The following ZCWPW2 variants were observed in gnomAD, a reference collection of about 807,000 sequenced individuals.
ZCWPW2 encodes the protein zinc finger CW-type and PWWP domain containing 2, also known as zinc finger CW-type PWWP domain protein 2.
ZCWPW2 carries 45 observed loss-of-function variants against 46.6 expected under a neutral mutation model. That is an observed-to-expected ratio of 0.96 (90% CI 0.76 to 1.24). The LOEUF (loss-of-function observed/expected upper bound fraction) is 1.24. Ranked by LOEUF, ZCWPW2 falls within the 50% of genes most tolerant of loss-of-function variation. The pLI is 0.00. For synonymous variants in ZCWPW2, 152 were observed against 137.1 expected (o/e 1.11, Z -0.76); for missense variants, 429 against 403.9 (o/e 1.06, Z -0.53).
intron 2 of ZCWPW2, among the ~76,000 whole-genome samples, chr3:28,408,212 C>T (rs1263724279): frequency 2.6e-5 from 4 of 152,112 alleles, no homozygotes; most frequent in African/African-American, 9.7e-5. Context: ...ATTTGAAAAC[C>T]TTATCTACCA....
intron 1 of ZCWPW2, among the ~76,000 whole-genome samples, chr3:28,385,136 A>T (rs1367740347): frequency 2.0e-5 from 3 of 152,242 alleles, no homozygotes; most frequent in African/African-American, 7.2e-5. Context: ...TCTTTAATCC[A>T]TAATGTGGCA....
intron 2 of ZCWPW2, chr3:28,398,068 A>G (rs1024761591): frequency 6.6e-6 from 1 of 152,236 alleles, no homozygotes; most frequent in Admixed American, 6.5e-5. Flanking sequence ...ATAACAAATT[A>G]CCGTAGACTG....
intron 3 of ZCWPW2, among the ~76,000 whole-genome samples, chr3:28,421,209 C>G (rs2125747725): frequency 6.6e-6 from 1 of 152,152 alleles, no homozygotes; most frequent in East Asian, 1.9e-4. Context: ...GGTGAGAGTT[C>G]AAGCTCCCCA....
intron 4 of ZCWPW2, among the ~76,000 whole-genome samples, chr3:28,452,547 G>C (rs775519274): frequency 6.6e-6 from 1 of 152,154 alleles, no homozygotes; most frequent in Non-Finnish European, 1.5e-5. Context: ...ACCCACCTCA[G>C]CCTCCCAAAG....
chr3:28,384,235 A>G (rs1205051511), intron 1 of ZCWPW2, among the ~76,000 whole-genome samples: 1 of 152,110 alleles, frequency 6.6e-6, no homozygotes, highest in Non-Finnish European at 1.5e-5. Context: ...CCCATGGAAT[A>G]TGTTATATGT....
chr3:28,350,224 T>G (rs2125682345), intron 1 of ZCWPW2, among the ~76,000 whole-genome samples: 1 of 152,340 alleles, frequency 6.6e-6, no homozygotes, highest in Middle Eastern at 3.4e-3. Flanking sequence ...TTTTGAAGAA[T>G]GCTAGCAAAA....
At chr3:28,370,964 T>C (rs1705312849) in intron 1 of ZCWPW2, among the ~76,000 whole-genome samples, 1 of 152,130 alleles carries the variant, frequency 6.6e-6, no homozygotes, top group Admixed American at 6.5e-5. Context: ...ACTACCAACC[T>C]CAGGTGATCC....
Position 28,515,356 on chromosome 3 carries a change from A to G in ZCWPW2, c.717-198A>G, listed in dbSNP as rs1452359190. On this transcript the variant is annotated intron_variant, in intron 7 of 9. Coordinates refer to ENST00000383768, the MANE Select transcript of ZCWPW2 (RefSeq NM_001040432.4). Reference sequence around the variant, plus strand: ...GGTAAATTGTTAATGCTTTGCACCTAGTGAGAGCTCAAATCAGTATTAGTC... The same window carrying G: ...GGTAAATTGTTAATGCTTTGCACCTGGTGAGAGCTCAAATCAGTATTAGTC... Among the ~76,000 whole-genome samples the G allele has an allele frequency of 2.0e-5, 3 of 152,182 alleles. No homozygotes were observed. The East Asian group carries it at 5.8e-4, about 29-fold the overall frequency.
rs564703631 is a variant in ZCWPW2, at chr3:28,491,174, C to A, written c.611-953C>A. 2.0e-5 allele frequency among the ~76,000 whole-genome samples: 3 copies of A among 152,128 alleles called. No homozygotes were observed. In the East Asian group the frequency reaches 5.8e-4, roughly 29 times the overall value. On this transcript the variant is annotated intron_variant, in intron 5 of 9. Transcript: ENST00000383768. ...GAGGAATATCTGTAGTAGCACCTAA[C>A]CTTATACATTCATTAGTGGAGAGAA...
intron 1 of ZCWPW2, among the ~76,000 whole-genome samples, chr3:28,361,515 A>G (rs927409662): frequency 1.4e-5 from 2 of 143,780 alleles, no homozygotes; most frequent in African/African-American, 4.9e-5. Context: ...GCACAGGAAT[A>G]AAAGCAAAAA....
intron 3 of ZCWPW2, among the ~76,000 whole-genome samples, chr3:28,414,215 A>T (rs1010758378): frequency 1.2e-3 from 173 of 149,246 alleles, no homozygotes; most frequent in Non-Finnish European, 1.9e-3. Context: ...TATAAATTTA[A>T]TTTTTTTTCT....
intron 1 of ZCWPW2, among the ~76,000 whole-genome samples, chr3:28,362,863 A>G (rs568173694): frequency 6.6e-6 from 1 of 152,312 alleles, no homozygotes; most frequent in East Asian, 1.9e-4. Context: ...CATATACACC[A>G]TGGAATACTT....
intron 2 of ZCWPW2, among the ~76,000 whole-genome samples, chr3:28,400,829 C>G (rs1482659356): frequency 6.6e-6 from 1 of 152,160 alleles, no homozygotes; most frequent in African/African-American, 2.4e-5. Flanking sequence ...CACATCAAAA[C>G]AAAACCTCTT....
chr3:28,508,703 CT>C (rs1451724657), intron 6 of ZCWPW2, among the ~76,000 whole-genome samples: 2 of 151,750 alleles, frequency 1.3e-5, no homozygotes, highest in Admixed American at 1.3e-4. Context: ...AATTTTTGTA[CT>C]TTTAGTAGAG....
At chr3:28,405,425 T>C (rs1696119866) in intron 2 of ZCWPW2, among the ~76,000 whole-genome samples, 1 of 152,168 alleles carries the variant, frequency 6.6e-6, no homozygotes, top group African/African-American at 2.4e-5. Context: ...TGCAGAGTTT[T>C]GAGGGGCATG....
intron 1 of ZCWPW2, among the ~76,000 whole-genome samples, chr3:28,362,607 A>G (rs981509920): frequency 6.6e-6 from 1 of 152,190 alleles, no homozygotes; most frequent in African/African-American, 2.4e-5. Context: ...AAAAGAGAAC[A>G]CTTATATACT....
chr3:28,412,793 C>T (rs553516654), intron 2 of ZCWPW2, among the ~76,000 whole-genome samples: 2 of 152,078 alleles, frequency 1.3e-5, no homozygotes, highest in South Asian at 4.1e-4. Context: ...TTATAGTCAC[C>T]TCTACTCCCC....
rs1370646920 is a variant in ZCWPW2 at position 28,432,888 on chromosome 3, G to A, written c.333-2222G>A. Among the ~76,000 whole-genome samples, 5 of 152,202 alleles carry A rather than the reference G, an allele frequency of 3.3e-5. No individual in the cohort carries two copies. The East Asian group carries it at 9.6e-4, about 29-fold the overall frequency. On this transcript the variant is annotated intron_variant, in intron 3 of 9. Transcript: ENST00000383768. ...CTTTTTCAGTTTTATTTCACTGAAA[G>A]CACACCATCATTCTATCCCTGGTCT...
At chr3:28,505,992 A>G (rs1475981000) in intron 6 of ZCWPW2, among the ~76,000 whole-genome samples, 1 of 150,964 alleles carries the variant, frequency 6.6e-6, no homozygotes, top group Non-Finnish European at 1.5e-5. Context: ...TAATGTAAAC[A>G]CAGTTCTATG....
Sources: allele counts gnomAD v4.1 joint callset (sites outside exome capture counted in the v4.1 genomes callset), GRCh38; gene constraint gnomAD v4.1.1; transcripts MANE v1.5; gene names NCBI Gene and HGNC (gene_info 2026-07-23, HGNC 2026-07-21).